Variants in IGSF21 observed in about 807,000 individuals in gnomAD.
IGSF21 encodes immunoglobin superfamily member 21, also known as immunoglobulin superfamily member 21.
In IGSF21, 28 loss-of-function variants were observed where a neutral mutation model predicts 46.8. The ratio of observed to expected loss-of-function variants is 0.60; its 90% CI spans 0.44 to 0.82. The LOEUF (loss-of-function observed/expected upper bound fraction) is 0.82. Among genes scored for constraint, IGSF21 ranks in the 40% least tolerant of loss-of-function variants. IGSF21 has a pLI of 0.00. For missense variants in IGSF21, 624 were observed against 665.5 expected, an observed-to-expected ratio of 0.94 and a Z score of 0.69; for synonymous variants, 284 against 273.6, an observed-to-expected ratio of 1.04 and a Z score of -0.38.
chr1:18,349,600 C>T (rs1355551819), intron 4 of IGSF21, among the ~76,000 whole-genome samples: 1 of 152,140 alleles, frequency 6.6e-6, no homozygotes, highest in Non-Finnish European at 1.5e-5. Context: ...TGAGAAGGGG[C>T]AGGGAGTAAC....
chr1:18,245,163 C>T (rs973685155), intron 2 of IGSF21, among the ~76,000 whole-genome samples: 1 of 152,308 alleles, frequency 6.6e-6, no homozygotes, highest in African/African-American at 2.4e-5. Context: ...TTTAACATTG[C>T]ATATGATACT....
chr1:18,190,563 G>T (rs2086945481), intron 1 of IGSF21, among the ~76,000 whole-genome samples: 2 of 152,184 alleles, frequency 1.3e-5, no homozygotes, highest in African/African-American at 4.8e-5. Flanking sequence ...CTGCAACGTG[G>T]GGCCGATAAG....
At chr1:18,285,751 C>T (rs1227601739) in intron 2 of IGSF21, among the ~76,000 whole-genome samples, 1 of 152,148 alleles carries the variant, frequency 6.6e-6, no homozygotes, top group Non-Finnish European at 1.5e-5. Flanking sequence ...GTCCACCCAC[C>T]CTGACCAACC....
rs1476726979 is a variant in IGSF21 at position 18,340,987 on chromosome 1, T to TCCTC, written c.424+5978_424+5979insCTCC. Among the ~76,000 whole-genome samples the TCCTC allele has an allele frequency of 3.4e-3, 463 of 135,350 alleles. 7 individuals are homozygous for TCCTC. Among genetic ancestry groups the TCCTC allele is most frequent in the African/African-American group, 0.012 (401 of 34,092 alleles). The allele number at this position is 135,350 out of a possible 152,430, so 88.8% of individuals were successfully genotyped here. A position where few individuals can be genotyped will look rare whatever the true frequency, so the allele number is the denominator to read the frequency against. On this transcript the variant is annotated intron_variant, in intron 4 of 9. Transcript: ENST00000251296. Reference sequence around the variant, plus strand: ...TCCTTCTTCTCCTTCTTCTTCTCCTTCTTCTTCTCCTCCTCCTCCTTCTTC... The same window carrying TCCTC: ...TCCTTCTTCTCCTTCTTCTTCTCCTTCCTCCTTCTTCTCCTCCTCCTCCTTCTTC...
chr1:18,212,679 G>C (rs186702953), intron 1 of IGSF21, among the ~76,000 whole-genome samples: 1 of 152,192 alleles, frequency 6.6e-6, no homozygotes, highest in African/African-American at 2.4e-5. Flanking sequence ...CAACCCAGGG[G>C]GGGTCCTGGC....
chr1:18,275,051 A>T (rs940325787), intron 2 of IGSF21, among the ~76,000 whole-genome samples: 6 of 152,162 alleles, frequency 3.9e-5, no homozygotes, highest in Non-Finnish European at 8.8e-5. Flanking sequence ...AACAAAAAAG[A>T]AGTGGCTACC....
chr1:18,216,266 G>A (rs2084445445), intron 1 of IGSF21, among the ~76,000 whole-genome samples: 1 of 152,180 alleles, frequency 6.6e-6, no homozygotes, highest in South Asian at 2.1e-4. Flanking sequence ...TGGAAGGGCT[G>A]ATGAGGGTGC....
intron 1 of IGSF21, among the ~76,000 whole-genome samples, chr1:18,192,198 G>A (rs1007292644): frequency 1.3e-5 from 2 of 152,188 alleles, no homozygotes; most frequent in Middle Eastern, 3.2e-3. Context: ...CTGTGAAATG[G>A]GGATCATGCT....
chr1:18,217,816 G>C (rs1017096191), intron 1 of IGSF21, among the ~76,000 whole-genome samples: 2 of 152,218 alleles, frequency 1.3e-5, no homozygotes, highest in African/African-American at 4.8e-5. Context: ...CTGGTTCTCT[G>C]TGATGGTGAG....
chr1:18,307,645 A>C (rs1232935130), intron 3 of IGSF21, among the ~76,000 whole-genome samples: 1 of 152,208 alleles, frequency 6.6e-6, no homozygotes, highest in Non-Finnish European at 1.5e-5. Context: ...GGCTTGGGAA[A>C]AGGGGATGCG....
chr1:18,199,419 G>A (rs556909050), intron 1 of IGSF21, among the ~76,000 whole-genome samples: 4 of 152,226 alleles, frequency 2.6e-5, no homozygotes, highest in African/African-American at 4.8e-5. Context: ...TTACAACAAC[G>A]GCTACTGTGA....
In IGSF21 at chr1:18,207,410, G is replaced by A. The variant is rs561741873; in HGVS notation, c.71-20488G>A. On this transcript the variant is annotated intron_variant, in intron 1 of 9. Transcript: ENST00000251296. ...GATTAGGATGCAGAACCTTAGGGAA[G>A]GGGATCGTTTTTAGAATTCTGCCCA... is the stretch of plus-strand genomic sequence containing the variant. 3.3e-5 allele frequency among the ~76,000 whole-genome samples: 5 copies of A among 152,306 alleles called. No homozygotes were observed. In the East Asian group the frequency reaches 9.7e-4, roughly 29 times the overall value.
intron 1 of IGSF21, among the ~76,000 whole-genome samples, chr1:18,224,476 TG>T (rs1486787406): frequency 6.6e-6 from 1 of 152,182 alleles, no homozygotes; most frequent in African/African-American, 2.4e-5. Flanking sequence ...CACTCTGCTT[TG>T]CTTTTCCTCA....
intron 6 of IGSF21, among the ~76,000 whole-genome samples, chr1:18,374,970 C>T (rs1012243449): frequency 2.1e-4 from 32 of 152,344 alleles, no homozygotes; most frequent in Non-Finnish European, 3.7e-4. Context: ...ACCCCCTTCC[C>T]TCCCTGACCT....
At position 18,365,534 on chromosome 1, in the gene IGSF21, C is replaced by T. The variant is rs1557662951; in HGVS notation, c.852C>T (p.Thr284=). 1 of 1,614,110 alleles carries T rather than the reference C, an allele frequency of 6.2e-7. No individual in the cohort carries two copies. Among genetic ancestry groups the T allele is most frequent in the Non-Finnish European group, 8.5e-7 (1 of 1,180,022 alleles). The stretch of plus-strand genomic sequence containing the variant: ...GCTGGGTCCACAGCGCCGAGCCCAC[C>T]TACTTCCTGCGCCACAGCCGCACCC... The part of the protein sequence containing the change: ...FPRWVHSAEP[T]YFLRHSRTPS... The change falls in exon 6 of 10, where the codon ACC becomes ACT. Residue 284 remains threonine (T), a synonymous_variant. Coordinates refer to ENST00000251296, the MANE Select transcript of IGSF21 (RefSeq NM_032880.5). The surrounding 1 kb of genome is among the most constrained non-coding windows in gnomAD (Gnocchi z 4.8).
chr1:18,153,308 C>T (rs2124435906), intron 1 of IGSF21, among the ~76,000 whole-genome samples: 1 of 152,346 alleles, frequency 6.6e-6, no homozygotes, highest in Admixed American at 6.5e-5. Flanking sequence ...CATTAGCATC[C>T]ACACACGGCC....
intron 4 of IGSF21, among the ~76,000 whole-genome samples, chr1:18,348,644 A>T (rs2085920177): frequency 6.6e-6 from 1 of 152,214 alleles, no homozygotes; most frequent in African/African-American, 2.4e-5. Context: ...TACAGGTGTT[A>T]ACAGCTGTAT....
At chr1:18,128,135 G>C (rs760081946) in intron 1 of IGSF21, among the ~76,000 whole-genome samples, 2 of 152,184 alleles carry the variant, frequency 1.3e-5, no homozygotes, top group Non-Finnish European at 2.9e-5. Context: ...GTCTCCTACT[G>C]TGTGCCTGGG....
chr1:18,235,280 A>G (rs538779435), intron 2 of IGSF21, among the ~76,000 whole-genome samples: 17 of 152,322 alleles, frequency 1.1e-4, no homozygotes, highest in Non-Finnish European at 1.8e-4. Flanking sequence ...TTAATTCAAC[A>G]CATATTTATG....
Sources: allele counts gnomAD v4.1 joint callset (sites outside exome capture counted in the v4.1 genomes callset), GRCh38; gene constraint gnomAD v4.1.1; non-coding constraint Gnocchi (gnomAD v3.1); transcripts MANE v1.5; gene names NCBI Gene and HGNC (gene_info 2026-07-23, HGNC 2026-07-21).